The following DOK5 variants were observed in gnomAD, a reference collection of about 807,000 sequenced individuals.
The protein encoded by DOK5 is downstream of tyrosine kinase 5.
A neutral mutation model predicts 43.3 loss-of-function variants in DOK5; 27 were observed. The ratio of observed to expected loss-of-function variants is 0.62; its 90% confidence interval spans 0.46 to 0.86. The LOEUF is 0.86. DOK5 is among the 40% of genes least tolerant of loss of function. DOK5 has a pLI of 0.00. For synonymous variants in DOK5, 146 were observed against 140.1 expected (o/e 1.04, Z -0.30); for missense variants, 373 against 392.9 (o/e 0.95, Z 0.43).
intron 6 of DOK5, among the ~76,000 whole-genome samples, chr20:54,639,619 A>C (rs1425601233): frequency 1.7e-5 from 1 of 59,246 alleles, no homozygotes; most frequent in South Asian, 9.8e-4. Flanking sequence ...TATTATATCT[A>C]TTGTAAAAAA....
chr20:54,609,072 G>T (rs1269776019), intron 5 of DOK5, among the ~76,000 whole-genome samples: 1 of 152,208 alleles, frequency 6.6e-6, no homozygotes, highest in Non-Finnish European at 1.5e-5. Context: ...CATGCCATAT[G>T]TATAGAAGGC....
At chr20:54,500,357 T>A (rs7268639) in intron 1 of DOK5, among the ~76,000 whole-genome samples, 2,822 of 152,286 alleles carry the variant, frequency 0.019, 89 homozygotes, top group African/African-American at 0.065. Flanking sequence ...GCCACATAGA[T>A]GTCAATAAAC....
intron 1 of DOK5, among the ~76,000 whole-genome samples, chr20:54,553,356 C>T (rs541632938): frequency 8.7e-4 from 132 of 152,086 alleles, no homozygotes; most frequent in African/African-American, 3.2e-3. Context: ...CCACCATGCC[C>T]GGCTAACTTT....
chr20:54,512,422 A>C (rs1983044194), intron 1 of DOK5, among the ~76,000 whole-genome samples: 1 of 152,190 alleles, frequency 6.6e-6, no homozygotes, highest in Non-Finnish European at 1.5e-5. Context: ...GGACAGTTAC[A>C]ATTTGTTAAA....
intron 6 of DOK5, among the ~76,000 whole-genome samples, chr20:54,622,840 G>T (rs889790453): frequency 6.6e-6 from 1 of 152,136 alleles, no homozygotes; most frequent in African/African-American, 2.4e-5. Context: ...GATAGAAATA[G>T]TGATGAGGAC....
At chr20:54,585,065 A>G (rs1297400546) in intron 2 of DOK5, among the ~76,000 whole-genome samples, 1 of 152,140 alleles carries the variant, frequency 6.6e-6, no homozygotes, top group Non-Finnish European at 1.5e-5. Flanking sequence ...AAATTACTAA[A>G]TTATTACTAT....
At chr20:54,512,480 T>C (rs1983046140) in intron 1 of DOK5, among the ~76,000 whole-genome samples, 1 of 152,174 alleles carries the variant, frequency 6.6e-6, no homozygotes, top group African/African-American at 2.4e-5. Flanking sequence ...ACTTAAGAAG[T>C]TGACTTTGTC....
At chr20:54,620,112 T>A (rs1040696732) in intron 6 of DOK5, among the ~76,000 whole-genome samples, 20 of 152,250 alleles carry the variant, frequency 1.3e-4, no homozygotes, top group African/African-American at 4.8e-4. Flanking sequence ...TAAGCCCTTT[T>A]TATATCCTGG....
chr20:54,589,456 G>A (rs1486256353), intron 4 of DOK5, among the ~76,000 whole-genome samples: 1 of 151,984 alleles, frequency 6.6e-6, no homozygotes, highest in East Asian at 1.9e-4. Flanking sequence ...AGTCAATCTG[G>A]GAATCAATAA....
chr20:54,598,878 G>GTT (rs73625018), intron 5 of DOK5, among the ~76,000 whole-genome samples: 1 of 151,952 alleles, frequency 6.6e-6, no homozygotes, highest in East Asian at 1.9e-4. Context: ...AAAATAATTT[G>GTT]TTTTTTTGTA....
intron 6 of DOK5, among the ~76,000 whole-genome samples, chr20:54,631,230 T>G (rs1182158881): frequency 6.6e-6 from 1 of 152,262 alleles, no homozygotes; most frequent in South Asian, 2.1e-4. Flanking sequence ...CCTGGCAACA[T>G]GGCAAAACTC....
intron 1 of DOK5, among the ~76,000 whole-genome samples, chr20:54,547,001 C>T (rs1306638753): frequency 6.6e-6 from 1 of 152,170 alleles, no homozygotes; most frequent in Non-Finnish European, 1.5e-5. Context: ...GGCATAATTA[C>T]TTCCATTTCT....
At chr20:54,501,463 TC>T (rs1982599919) in intron 1 of DOK5, among the ~76,000 whole-genome samples, 1 of 79,418 alleles carries the variant, frequency 1.3e-5, no homozygotes, top group African/African-American at 5.9e-5. Context: ...CGAGACTCAC[TC>T]TCAAAAAAAA....
intron 1 of DOK5, among the ~76,000 whole-genome samples, chr20:54,506,283 C>CAAGGTT (rs1982799596): frequency 6.6e-6 from 1 of 152,094 alleles, no homozygotes; most frequent in African/African-American, 2.4e-5. Flanking sequence ...GTTTTGGGGT[C>CAAGGTT]AAGGTTAAGA....
chr20:54,509,179 T>TTTTTAA (rs1211210746), intron 1 of DOK5, among the ~76,000 whole-genome samples: 1 of 152,144 alleles, frequency 6.6e-6, no homozygotes, highest in Non-Finnish European at 1.5e-5. Flanking sequence ...CCCGGCCTAA[T>TTTTTAA]TTTTAATTTT....
At chr20:54,566,093 C>T (rs1304062375) in intron 2 of DOK5, among the ~76,000 whole-genome samples, 1 of 150,886 alleles carries the variant, frequency 6.6e-6, no homozygotes, top group Non-Finnish European at 1.5e-5. Context: ...TCACATCCTC[C>T]AGTCCTCCCA....
chr20:54,597,603 G>A (rs1246541540), intron 5 of DOK5, among the ~76,000 whole-genome samples: 2 of 152,196 alleles, frequency 1.3e-5, no homozygotes, highest in African/African-American at 2.4e-5. Context: ...GAGGTCCGAA[G>A]ACACAAAGCT....
chr20:54,588,407 G>A (rs544508307), intron 2 of DOK5, 76 bp from the exon 3 acceptor site: 7 of 1,200,724 alleles, frequency 5.8e-6, no homozygotes, highest in Admixed American at 5.1e-5. Context: ...ACTGATTTCC[G>A]GGCCTCACCT....
At chr20:54,476,280 G>C (rs1399934442) in intron 1 of DOK5, 4 of 901,226 alleles carry the variant, frequency 4.4e-6, no homozygotes, top group African/African-American at 1.8e-5. Context: ...CCATCTACTC[G>C]AAATAAATAT....
Sources: gnomAD v4.1 joint callset for allele counts (sites outside exome capture counted in the v4.1 genomes callset) on GRCh38, gnomAD v4.1.1 for gene constraint, MANE v1.5 for transcripts, NCBI Gene and HGNC (gene_info 2026-07-23, HGNC 2026-07-21) for gene names.